Variants in IGF2BP3 observed in about 807,000 individuals in gnomAD.
IGF2BP3 encodes insulin like growth factor 2 mRNA binding protein 3, also known as insulin-like growth factor 2 mRNA-binding protein 3.
IGF2BP3 carries 9 observed loss-of-function variants against 73.8 expected under a neutral mutation model. That is an observed-to-expected ratio of 0.12 (90% confidence interval 0.07 to 0.21). The LOEUF (loss-of-function observed/expected upper bound fraction) is 0.21, where lower values mean the gene tolerates loss of function less well. IGF2BP3 is among the 10% of genes least tolerant of loss of function. IGF2BP3 has a pLI of 1.00. For missense variants in IGF2BP3, 542 were observed against 714.0 expected, an observed-to-expected ratio of 0.76 and a Z score of 2.75; for synonymous variants, 258 against 256.7, an observed-to-expected ratio of 1.01 and a Z score of -0.05.
chr7:23,454,671 A>G (rs1255234800), intron 2 of IGF2BP3, among the ~76,000 whole-genome samples: 1 of 152,194 alleles, frequency 6.6e-6, no homozygotes, highest in Non-Finnish European at 1.5e-5. Context: ...GGGCTAAGCA[A>G]AGGTTCCTAC....
intron 2 of IGF2BP3, among the ~76,000 whole-genome samples, chr7:23,442,628 C>T (rs1416135937): frequency 6.6e-6 from 1 of 152,072 alleles, no homozygotes; most frequent in African/African-American, 2.4e-5. Flanking sequence ...GAACTCCTGA[C>T]CTCAGGTGAC....
At chr7:23,461,256 G>T (rs1788445191) in intron 2 of IGF2BP3, among the ~76,000 whole-genome samples, 1 of 151,856 alleles carries the variant, frequency 6.6e-6, no homozygotes, top group Admixed American at 6.6e-5. Context: ...TCCTTTGCTG[G>T]TCTTTCCTTC....
intron 5 of IGF2BP3, 183 bp downstream of exon 5, chr7:23,361,351 A>C (rs768557074): frequency 1.8e-6 from 1 of 558,308 alleles, no homozygotes; most frequent in East Asian, 3.0e-5. Context: ...TACAACTTTA[A>C]CCAATGTAGA....
chr7:23,375,208 A>C (rs1318359756), intron 3 of IGF2BP3, among the ~76,000 whole-genome samples: 1 of 152,204 alleles, frequency 6.6e-6, no homozygotes. Context: ...AACTTGCTTA[A>C]GTATGACATT....
Position 23,368,972 on chromosome 7 carries a change from A to T in IGF2BP3, c.286-7231T>A, listed in dbSNP as rs150671453. 1.2e-4 allele frequency among the ~76,000 whole-genome samples: 19 copies of T among 152,302 alleles called. 1 individual carries two copies. In the East Asian group the frequency reaches 3.7e-3, roughly 29 times the overall value. ...TGGTGAATTGCATAGTATGTGAATTATATCTCAATAAAGCTGTTAAAAAAA... is the reference window on the plus strand; with the variant it reads ...TGGTGAATTGCATAGTATGTGAATTTTATCTCAATAAAGCTGTTAAAAAAA... On this transcript the variant is annotated intron_variant, in intron 3 of 14. Coordinates refer to ENST00000258729, the MANE Select transcript of IGF2BP3 (RefSeq NM_006547.3).
intron 10 of IGF2BP3, among the ~76,000 whole-genome samples, chr7:23,331,641 C>A (rs555363034): frequency 2.6e-5 from 4 of 152,216 alleles, no homozygotes; most frequent in African/African-American, 9.6e-5. Context: ...GGGTGGATCA[C>A]CTGAGGTCAG....
chr7:23,443,423 C>A (rs1787983637), intron 2 of IGF2BP3, among the ~76,000 whole-genome samples: 1 of 152,094 alleles, frequency 6.6e-6, no homozygotes, highest in Non-Finnish European at 1.5e-5. Context: ...CCGCGACTGG[C>A]CTATTTTTGT....
intron 2 of IGF2BP3, among the ~76,000 whole-genome samples, chr7:23,431,959 A>G (rs2128542220): frequency 6.6e-6 from 1 of 152,314 alleles, no homozygotes; most frequent in African/African-American, 2.4e-5. Flanking sequence ...CAGATTGCTT[A>G]GCTCATCTCA....
intron 10 of IGF2BP3, among the ~76,000 whole-genome samples, chr7:23,329,958 T>C (rs1344715866): frequency 1.3e-5 from 2 of 152,216 alleles, no homozygotes; most frequent in Non-Finnish European, 2.9e-5. Flanking sequence ...TAAACCAGTA[T>C]GAAGCTCTCA....
At chr7:23,320,286 A>G (rs570718449) in intron 10 of IGF2BP3, among the ~76,000 whole-genome samples, 7 of 152,270 alleles carry the variant, frequency 4.6e-5, no homozygotes, top group African/African-American at 1.7e-4. Flanking sequence ...TCATAAATAG[A>G]TTTTATCTAT....
intron 10 of IGF2BP3, among the ~76,000 whole-genome samples, chr7:23,325,298 A>C (rs1250398006): frequency 2.0e-5 from 3 of 152,330 alleles, no homozygotes; most frequent in South Asian, 2.1e-4. Flanking sequence ...AGAGAGCCAA[A>C]TCATGAGTGA....
chr7:23,331,036 T>C (rs907909761), intron 10 of IGF2BP3, among the ~76,000 whole-genome samples: 15 of 152,240 alleles, frequency 9.9e-5, no homozygotes, highest in Non-Finnish European at 1.9e-4. Context: ...TGACCTCAAG[T>C]GATCCGCCCA....
At chr7:23,320,092 T>G (rs12113600) in intron 10 of IGF2BP3, among the ~76,000 whole-genome samples, 1,917 of 151,760 alleles carry the variant, frequency 0.013, 43 homozygotes, top group African/African-American at 0.044. Context: ...TTTTTTTTTT[T>G]GTAGAGATAG....
At chr7:23,366,790 A>G (rs1785386110) in intron 3 of IGF2BP3, among the ~76,000 whole-genome samples, 1 of 152,098 alleles carries the variant, frequency 6.6e-6, no homozygotes, top group Non-Finnish European at 1.5e-5. Context: ...TAGCCTAATA[A>G]GATTCCCAAA....
At position 23,351,570 on chromosome 7, in the gene IGF2BP3, T is replaced by C; in HGVS notation, c.418A>G (p.Asn140Asp). 1 of 1,614,108 alleles carries C rather than the reference T, an allele frequency of 6.2e-7. No homozygotes were observed. The highest frequency in any genetic ancestry group is 8.5e-7 in the Non-Finnish European group (1 of 1,180,012). The change falls in exon 6 of 15, where the codon AAT becomes GAT. Residue 140 changes from asparagine to aspartate, a missense_variant. By Grantham distance (23) the Asn-to-Asp change is conservative. Coordinates refer to ENST00000258729, the MANE Select transcript of IGF2BP3 (RefSeq NM_006547.3). ...GTGAAATTCTCTAACTGAAATCCAT[T>C]CAGTTTGTCTAGTGCTCTGAAAGTT... The part of the protein sequence containing the change: ...DQARQALDKL[N>D]GFQLENFTLK...
chr7:23,417,265 T>C (rs1584019593), intron 3 of IGF2BP3, among the ~76,000 whole-genome samples: 1 of 152,156 alleles, frequency 6.6e-6, no homozygotes. Flanking sequence ...AATTCCAAAG[T>C]CTAGTTCCAA....
At chr7:23,325,299 T>C (rs2128494903) in intron 10 of IGF2BP3, among the ~76,000 whole-genome samples, 1 of 152,194 alleles carries the variant, frequency 6.6e-6, no homozygotes, top group African/African-American at 2.4e-5. Context: ...GAGAGCCAAA[T>C]CATGAGTGAA....
In IGF2BP3 at chr7:23,441,340, C is replaced by T. The variant is rs141438992; in HGVS notation, c.237-22516G>A. ...CTGTAATCCCAGCACTTTGGGAGGC[C>T]GAGGTGGACGGATCATGAGGTCAAG... is the stretch of plus-strand genomic sequence containing the variant. On this transcript the variant is annotated intron_variant, in intron 2 of 14. Coordinates refer to ENST00000258729, the MANE Select transcript of IGF2BP3 (RefSeq NM_006547.3). Among the ~76,000 whole-genome samples the T allele has an allele frequency of 2.0e-3, 310 of 151,576 alleles. 5 individuals are homozygous for T. The highest frequency in any genetic ancestry group is 7.2e-3 in the African/African-American group (296 of 41,356).
intron 13 of IGF2BP3, among the ~76,000 whole-genome samples, chr7:23,313,179 G>A (rs1353755225): frequency 6.6e-6 from 1 of 152,166 alleles, no homozygotes; most frequent in Non-Finnish European, 1.5e-5. Context: ...GAAACAGTTT[G>A]CTTTTTTTCC....
Sources: allele counts gnomAD v4.1 joint callset (sites outside exome capture counted in the v4.1 genomes callset), GRCh38; gene constraint gnomAD v4.1.1; transcripts MANE v1.5; gene names NCBI Gene and HGNC (gene_info 2026-07-23, HGNC 2026-07-21).